Variants in SASH1 observed in about 807,000 individuals in gnomAD.
SASH1 encodes the protein SAM and SH3 domain containing 1.
A neutral mutation model predicts 125.2 loss-of-function variants in SASH1; 44 were observed. The ratio of observed to expected loss-of-function variants is 0.35; its 90% confidence interval spans 0.28 to 0.45. The LOEUF is 0.45. SASH1 is among the 20% of genes least tolerant of loss of function. The probability of loss-of-function intolerance (pLI) is 1.00; values close to 1 mark genes in which losing one functional copy is unlikely to be tolerated. For synonymous variants in SASH1, 639 were observed against 649.1 expected, an observed-to-expected ratio of 0.98 and a Z score of 0.24; for missense variants, 1,426 against 1,614.5, an observed-to-expected ratio of 0.88 and a Z score of 2.00.
At chr6:148,470,923 GA>G (rs369409619) in intron 5 of SASH1, among the ~76,000 whole-genome samples, 30 of 152,192 alleles carry the variant, frequency 2.0e-4, no homozygotes, top group African/African-American at 6.7e-4. Context: ...GTGGGCCCAG[GA>G]CATACCAACC....
At chr6:148,358,646 C>T (rs1441328320) in intron 1 of SASH1, among the ~76,000 whole-genome samples, 1 of 151,326 alleles carries the variant, frequency 6.6e-6, no homozygotes, top group East Asian at 1.9e-4. Context: ...AAGTGATTAC[C>T]TTTATTGTTT....
intron 16 of SASH1, among the ~76,000 whole-genome samples, chr6:148,537,244 C>G (rs1253822728): frequency 1.3e-5 from 2 of 152,196 alleles, no homozygotes; most frequent in Admixed American, 1.3e-4. Flanking sequence ...ATTTCCAGCA[C>G]TACTTGGAAG....
chr6:148,474,573 G>A (rs1301611864), intron 7 of SASH1, among the ~76,000 whole-genome samples: 1 of 152,070 alleles, frequency 6.6e-6, no homozygotes, highest in Non-Finnish European at 1.5e-5. Flanking sequence ...GTAAACATCA[G>A]GATTTTTTGT....
chr6:148,411,937 C>A (rs1784646954), intron 2 of SASH1, among the ~76,000 whole-genome samples: 3 of 152,114 alleles, frequency 2.0e-5, no homozygotes. Context: ...GAATATTCAC[C>A]CAAGTCTCTA....
At chr6:148,431,666 G>T (rs1436226363) in intron 2 of SASH1, among the ~76,000 whole-genome samples, 1 of 151,596 alleles carries the variant, frequency 6.6e-6, no homozygotes, top group African/African-American at 2.4e-5. Flanking sequence ...TCCATGTGTT[G>T]ACTGCTGGAG....
Position 148,544,719 on chromosome 6 carries a change from G to A in SASH1, c.3249G>A (p.Arg1083=). 1 of 1,610,714 alleles carries A rather than the reference G, an allele frequency of 6.2e-7. No homozygotes were observed. The highest frequency in any genetic ancestry group is 8.5e-7 in the Non-Finnish European group (1 of 1,178,424). ...HGVKLGPALT[R]KVSCARGVDL... is the part of the protein sequence containing the mutation. ...TGAAGCTGGGCCCGGCTTTGACCAG[G>A]AAGGTCTCCTGTGCCCGGGGAGTGG... The change falls in exon 18 of 20, where the codon AGG becomes AGA. Residue 1083 remains arginine (R), a synonymous_variant. Coordinates refer to ENST00000367467, the MANE Select transcript of SASH1 (RefSeq NM_015278.5). The surrounding 1 kb of genome is among the most constrained non-coding windows in gnomAD (Gnocchi z 6.4).
At chr6:148,397,024 A>T (rs1456727983) in intron 2 of SASH1, among the ~76,000 whole-genome samples, 1 of 152,164 alleles carries the variant, frequency 6.6e-6, no homozygotes, top group Non-Finnish European at 1.5e-5. Context: ...AAGTGAGTGC[A>T]GGGATTTTTT....
intron 17 of SASH1, 95 bp downstream of exon 17, chr6:148,540,651 A>G (rs1351839427): frequency 8.8e-6 from 8 of 908,300 alleles, no homozygotes; most frequent in African/African-American, 5.0e-5. Context: ...CCTGTCATGA[A>G]CTCAGCAATC....
chr6:148,224,365 G>C, the SASH1 span, among the ~76,000 whole-genome samples: 3 of 146,786 alleles, frequency 2.0e-5, no homozygotes, highest in Non-Finnish European at 3.0e-5. Flanking sequence ...CTTCCCCCCA[G>C]CCTTTTTTTT....
At chr6:148,508,993 C>T in intron 8 of SASH1, 1 of 543,428 alleles carries the variant, frequency 1.8e-6, no homozygotes, top group Non-Finnish European at 3.2e-6. Flanking sequence ...TTAAATTCCT[C>T]TAGATTTGTC....
chr6:148,422,773 C>T (rs970673838), intron 2 of SASH1, among the ~76,000 whole-genome samples: 81 of 32,096 alleles, frequency 2.5e-3, no homozygotes, highest in African/African-American at 0.014. Flanking sequence ...GAACTTTGTC[C>T]GCCTGTTTCC....
chr6:148,342,634 A>G (rs1386102633), upstream of SASH1: 1 of 152,162 alleles, frequency 6.6e-6, no homozygotes, highest in African/African-American at 2.4e-5. Flanking sequence ...TCCAAGATCT[A>G]GAGGCTCCGC....
chr6:148,346,932 G>GT (rs772951482), intron 1 of SASH1, among the ~76,000 whole-genome samples: 12 of 152,146 alleles, frequency 7.9e-5, no homozygotes, highest in Non-Finnish European at 1.6e-4. Context: ...ACTTCTCCCT[G>GT]TGACATGTGT....
chr6:148,307,368 G>A (rs1211131740), intron 1 of SASH1, among the ~76,000 whole-genome samples: 1 of 151,742 alleles, frequency 6.6e-6, no homozygotes, highest in Non-Finnish European at 1.5e-5. Context: ...TGCCTGCCTC[G>A]GCCTCCCAAA....
the SASH1 span, among the ~76,000 whole-genome samples, chr6:148,201,917 A>G: frequency 2.6e-5 from 4 of 152,182 alleles, no homozygotes; most frequent in Admixed American, 6.5e-5. Context: ...CACAGCCTGC[A>G]GATGTTCTCC....
At chr6:148,212,447 T>C in the SASH1 span, among the ~76,000 whole-genome samples, 1 of 152,216 alleles carries the variant, frequency 6.6e-6, no homozygotes, top group African/African-American at 2.4e-5. Flanking sequence ...GACATCTTAA[T>C]TGCTTCTTCT....
At position 148,282,316 on chromosome 6, in the gene SASH1, A is replaced by G. The variant is rs192479298; in HGVS notation, n.74+9939A>G. On this transcript the variant is annotated intron_variant and non_coding_transcript_variant, in intron 1 of 3. Transcript: ENST00000367469. ...TACACTGAAGTCTAAAGCTCTTCCC[A>G]TTCAACCTCCTCCCTTGCTGCTCTC... is the stretch of plus-strand genomic sequence containing the variant. Among the ~76,000 whole-genome samples the G allele has an allele frequency of 2.8e-3, 432 of 152,234 alleles. 2 individuals are homozygous for G. The highest frequency in any genetic ancestry group is 9.7e-3 in the African/African-American group (404 of 41,540).
intron 17 of SASH1, among the ~76,000 whole-genome samples, chr6:148,542,876 G>GC (rs1342532086): frequency 6.6e-6 from 1 of 151,530 alleles, no homozygotes; most frequent in African/African-American, 2.4e-5. Flanking sequence ...GTGTGTGTGT[G>GC]TGTGCGCGCG....
At chr6:148,374,171 GAAATTAC>G (rs1782802944) in intron 1 of SASH1, among the ~76,000 whole-genome samples, 1 of 152,328 alleles carries the variant, frequency 6.6e-6, no homozygotes, top group South Asian at 2.1e-4. Flanking sequence ...AGAAGAAAGT[GAAATTAC>G]CCCTTTTTAT....
Sources: allele counts gnomAD v4.1 joint callset (sites outside exome capture counted in the v4.1 genomes callset), GRCh38; gene constraint gnomAD v4.1.1; non-coding constraint Gnocchi (gnomAD v3.1); transcripts MANE v1.5; gene names NCBI Gene and HGNC (gene_info 2026-07-23, HGNC 2026-07-21).